RBFOX1: variants seen among roughly 807,000 people sequenced by gnomAD.
RBFOX1 encodes RNA binding fox-1 homolog 1, also known as RNA binding protein fox-1 homolog 1.
In RBFOX1, 8 loss-of-function variants were observed where a neutral mutation model predicts 57.7. The observed-to-expected ratio is 0.14, with a 90% CI of 0.08 to 0.25. RBFOX1 has a LOEUF of 0.25. Among genes scored for constraint, RBFOX1 ranks in the 10% least tolerant of loss-of-function variants. RBFOX1 has a pLI of 1.00. For missense variants in RBFOX1, 611 were observed against 548.5 expected (o/e 1.11, Z -1.14); for synonymous variants, 326 against 222.4 (o/e 1.47, Z -4.15).
rs114915609 is a variant in RBFOX1 at position 6,454,122 on chromosome 16, C to T, written c.-64+137065C>T. On this transcript the variant is annotated intron_variant, in intron 2 of 15. Transcript: ENST00000550418. ...AGCAGTCATGTTGGATGAGGGCCCA[C>T]CCTATGACCTCGTTTTAACTCAGTC... Among the ~76,000 whole-genome samples the T allele has an allele frequency of 9.9e-3, 1,502 of 152,256 alleles. 20 individuals carry two copies. The highest frequency in any genetic ancestry group is 0.034 in the African/African-American group (1,421 of 41,534).
intron 1 of RBFOX1, among the ~76,000 whole-genome samples, chr16:5,376,233 G>C (rs908193945): frequency 1.3e-5 from 2 of 152,060 alleles, no homozygotes; most frequent in Non-Finnish European, 2.9e-5. Context: ...GCTGGAGGCA[G>C]TGCTGGAGCC....
intron 14 of RBFOX1, among the ~76,000 whole-genome samples, chr16:7,707,628 A>T (rs2082906585): frequency 6.6e-6 from 1 of 152,168 alleles, no homozygotes; most frequent in Non-Finnish European, 1.5e-5. Flanking sequence ...CCTTCTCCAG[A>T]AAATTGCCCC....
intron 1 of RBFOX1, among the ~76,000 whole-genome samples, chr16:5,358,521 C>T (rs1268370760): frequency 6.6e-6 from 1 of 152,054 alleles, no homozygotes; most frequent in African/African-American, 2.4e-5. Flanking sequence ...ATGTAAAATC[C>T]CCTCAAACAT....
chr16:6,120,109 A>G (rs7197327), intron 1 of RBFOX1, among the ~76,000 whole-genome samples: 103,452 of 151,794 alleles, frequency 0.68, 36,281 homozygotes, highest in African/African-American at 0.86. Context: ...GTGGTAGCAC[A>G]CATCAGTGCT....
intron 1 of RBFOX1, among the ~76,000 whole-genome samples, chr16:6,202,978 G>C (rs2097225291): frequency 6.6e-6 from 1 of 151,826 alleles, no homozygotes; most frequent in Non-Finnish European, 1.5e-5. Context: ...TTCTCACTTT[G>C]TTGCCAAGGC....
At chr16:6,963,043 C>G (rs916319519) in intron 3 of RBFOX1, among the ~76,000 whole-genome samples, 2 of 152,130 alleles carry the variant, frequency 1.3e-5, no homozygotes, top group African/African-American at 2.4e-5. Context: ...GAAACACAGT[C>G]ACTGTGTGAA....
intron 4 of RBFOX1, among the ~76,000 whole-genome samples, chr16:5,992,083 A>G: frequency 6.6e-6 from 1 of 152,216 alleles, no homozygotes; most frequent in East Asian, 1.9e-4. Flanking sequence ...ATGAACTGTA[A>G]AAATCCTTCA....
intron 2 of RBFOX1, among the ~76,000 whole-genome samples, chr16:6,544,719 A>G (rs562355346): frequency 5.4e-4 from 82 of 152,144 alleles, no homozygotes; most frequent in African/African-American, 1.8e-3. Flanking sequence ...GTCTTTTCAA[A>G]CCTCAGTTTC....
intron 3 of RBFOX1, among the ~76,000 whole-genome samples, chr16:6,802,274 C>T (rs113054603): frequency 0.21 from 31,616 of 152,062 alleles, 4,271 homozygotes; most frequent in Non-Finnish European, 0.3. Flanking sequence ...GTTGTGGAGG[C>T]CTGTGTTAGT....
exon 3 of RBFOX1, chr16:5,599,803 A>G (rs1452493430): frequency 6.5e-6 from 1 of 153,510 alleles, no homozygotes; most frequent in Non-Finnish European, 1.5e-5. Flanking sequence ...CAGAATGGAA[A>G]TCGTAATGTA....
intron 2 of RBFOX1, among the ~76,000 whole-genome samples, chr16:5,572,477 T>C (rs943470645): frequency 6.6e-6 from 1 of 152,176 alleles, no homozygotes; most frequent in African/African-American, 2.4e-5. Flanking sequence ...GGAAGGATGC[T>C]TGACAGCATC....
chr16:5,388,397 G>A (rs1002921941), intron 1 of RBFOX1, among the ~76,000 whole-genome samples: 1 of 152,112 alleles, frequency 6.6e-6, no homozygotes, highest in African/African-American at 2.4e-5. Context: ...CAGGCCTTGT[G>A]GTCCAATAGG....
chr16:5,786,090 C>T (rs1033376691), intron 3 of RBFOX1, among the ~76,000 whole-genome samples: 8 of 152,150 alleles, frequency 5.3e-5, no homozygotes, highest in African/African-American at 1.9e-4. Flanking sequence ...ATCCAAAACC[C>T]TTAAGATGCT....
chr16:7,699,491 C>A (rs1201576644), intron 14 of RBFOX1, among the ~76,000 whole-genome samples: 2 of 152,166 alleles, frequency 1.3e-5, no homozygotes, highest in African/African-American at 2.4e-5. Context: ...CCACACCCAG[C>A]CAACGTTTTT....
At chr16:6,456,682 G>A (rs2094781962) in intron 2 of RBFOX1, among the ~76,000 whole-genome samples, 1 of 152,166 alleles carries the variant, frequency 6.6e-6, no homozygotes. Flanking sequence ...GCGGTTGCAG[G>A]CTGATGGGCA....
At chr16:5,322,862 C>T (rs373078270) in intron 1 of RBFOX1, among the ~76,000 whole-genome samples, 1 of 152,184 alleles carries the variant, frequency 6.6e-6, no homozygotes, top group South Asian at 2.1e-4. Flanking sequence ...AGTAATCACT[C>T]ACCTGTCATA....
intron 1 of RBFOX1, among the ~76,000 whole-genome samples, chr16:6,217,763 C>G (rs932023358): frequency 6.6e-6 from 1 of 152,158 alleles, no homozygotes. Context: ...GCCTGTAATC[C>G]CAGCACTTTG....
At chr16:7,362,449 A>G (rs1272736612) in intron 4 of RBFOX1, among the ~76,000 whole-genome samples, 1 of 150,296 alleles carries the variant, frequency 6.7e-6, no homozygotes, top group Non-Finnish European at 1.5e-5. Flanking sequence ...GCGTGTACGT[A>G]GTATATATAT....
intron 1 of RBFOX1, among the ~76,000 whole-genome samples, chr16:6,230,129 C>T (rs530311671): frequency 2.0e-5 from 3 of 152,072 alleles, no homozygotes; most frequent in South Asian, 2.1e-4. Flanking sequence ...AAGACTTTAT[C>T]GCAGAGAGCA....
Sources: gnomAD v4.1 joint callset for allele counts (sites outside exome capture counted in the v4.1 genomes callset) on GRCh38, gnomAD v4.1.1 for gene constraint, MANE v1.5 for transcripts, NCBI Gene and HGNC (gene_info 2026-07-23, HGNC 2026-07-21) for gene names.